Variants in UNC13B observed in about 807,000 individuals in gnomAD.
UNC13B encodes protein unc-13 homolog B.
Under a neutral mutation model 211.0 loss-of-function variants are expected in UNC13B, and 144 were observed. That is an observed-to-expected ratio of 0.68 (90% CI 0.60 to 0.78). UNC13B has a LOEUF of 0.78. Ranked by LOEUF, UNC13B falls within the 30% of genes least tolerant of loss-of-function variation. UNC13B has a pLI of 0.00. For synonymous variants in UNC13B, 709 were observed against 725.8 expected (o/e 0.98, Z 0.37); for missense variants, 1,777 against 2,002.0 (o/e 0.89, Z 2.14).
At chr9:35,224,790 T>C (rs1208288112) in intron 1 of UNC13B, among the ~76,000 whole-genome samples, 1 of 152,088 alleles carries the variant, frequency 6.6e-6, no homozygotes, top group Non-Finnish European at 1.5e-5. Flanking sequence ...AACAAAATAC[T>C]AGCAAACCAA....
intron 1 of UNC13B, among the ~76,000 whole-genome samples, chr9:35,184,987 GAAT>G (rs1376770220): frequency 2.0e-5 from 3 of 151,958 alleles, no homozygotes; most frequent in Non-Finnish European, 4.4e-5. Flanking sequence ...TTCCTCCCAA[GAAT>G]AATGAGATAT....
At chr9:35,399,903 A>G (rs920701799) in intron 36 of UNC13B, among the ~76,000 whole-genome samples, 174 bp downstream of exon 36, 1 of 152,218 alleles carries the variant, frequency 6.6e-6, no homozygotes, top group African/African-American at 2.4e-5. Context: ...CAAGATGCTT[A>G]TCATTGGTAA....
intron 1 of UNC13B, among the ~76,000 whole-genome samples, chr9:35,210,389 A>G (rs1381559677): frequency 1.3e-5 from 2 of 152,252 alleles, no homozygotes; most frequent in Non-Finnish European, 2.9e-5. Context: ...GATGGGTACT[A>G]CAGTTGACAG....
At chr9:35,195,999 T>C (rs1822914778) in intron 1 of UNC13B, among the ~76,000 whole-genome samples, 1 of 152,272 alleles carries the variant, frequency 6.6e-6, no homozygotes, top group South Asian at 2.1e-4. Context: ...TACATATATA[T>C]ACAGGGCAGT....
chr9:35,273,336 C>T (rs954554382), intron 7 of UNC13B, among the ~76,000 whole-genome samples: 1 of 152,172 alleles, frequency 6.6e-6, no homozygotes, highest in Non-Finnish European at 1.5e-5. Flanking sequence ...AAATTACTTA[C>T]CTTTCCTCAT....
rs1825921531 is a variant in UNC13B, at chr9:35,243,502, C to G, written c.468+138C>G. 8 of 822,784 alleles carry G rather than the reference C, an allele frequency of 9.7e-6. No homozygotes were observed. In the South Asian group the frequency reaches 1.4e-4, roughly 14 times the overall value. 51.0% of individuals were successfully genotyped at this position (822,784 alleles called of 1,614,324 possible). Reference sequence around the variant, plus strand: ...AAATTGCATTGAAGAAAAAAGGCAGCTAGAAGATTGCCTGAAATGTCACTA... The same window carrying G: ...AAATTGCATTGAAGAAAAAAGGCAGGTAGAAGATTGCCTGAAATGTCACTA... On this transcript the variant is annotated intron_variant, in intron 6 of 39. Coordinates refer to ENST00000635942, the MANE Select transcript of UNC13B (RefSeq NM_001371189.2).
At chr9:35,205,457 G>A (rs1397014908) in intron 1 of UNC13B, among the ~76,000 whole-genome samples, 2 of 152,162 alleles carry the variant, frequency 1.3e-5, no homozygotes, top group Admixed American at 6.5e-5. Flanking sequence ...ACAGAGTTGT[G>A]TAACTGTCAC....
intron 1 of UNC13B, among the ~76,000 whole-genome samples, chr9:35,170,561 T>C (rs946908985): frequency 6.6e-6 from 1 of 151,716 alleles, no homozygotes; most frequent in African/African-American, 2.4e-5. Context: ...CTCGACCTCC[T>C]GGGATCAAGT....
At chr9:35,290,259 G>A (rs527292407) in intron 7 of UNC13B, among the ~76,000 whole-genome samples, 3 of 152,152 alleles carry the variant, frequency 2.0e-5, no homozygotes, top group Non-Finnish European at 2.9e-5. Flanking sequence ...CAATAGGCTA[G>A]AGTGGTTTAT....
rs1246633554 is a variant in UNC13B, at chr9:35,183,324, C to T, written c.22+21019C>T. Among the ~76,000 whole-genome samples the T allele has an allele frequency of 1.2e-3, 148 of 126,812 alleles. 24 individuals are homozygous for T. Among genetic ancestry groups the T allele is most frequent in the African/African-American group, 4.2e-3 (138 of 32,508 alleles). The allele number at this position is 126,812 out of a possible 152,430, so 83.2% of individuals were successfully genotyped here. On this transcript the variant is annotated intron_variant, in intron 1 of 39. Transcript: ENST00000635942. ...CCCCTCACCTCCCAGGCGGGGCAGC[C>T]GGGCAGAGGCGCCCCTCACCTCCCA... is the stretch of plus-strand genomic sequence containing the variant.
At chr9:35,400,949 A>T (rs565226520) in intron 37 of UNC13B, among the ~76,000 whole-genome samples, 2 of 151,882 alleles carry the variant, frequency 1.3e-5, no homozygotes, top group South Asian at 4.2e-4. Context: ...CCCTGTGCAC[A>T]GCTGAGGCTC....
At chr9:35,367,135 C>T (rs563612927) in intron 12 of UNC13B, 142 bp downstream of exon 12, 4 of 779,994 alleles carry the variant, frequency 5.1e-6, no homozygotes, top group Middle Eastern at 3.6e-4. Flanking sequence ...TTGGTTGGTT[C>T]TCTGAGGCAG....
chr9:35,219,254 TG>T lies in UNC13B; in HGVS notation c.23-8756del, dbSNP rs1346936362. ...CAGTGGAGTGGCTGGTGGTACCAGC[TG>T]GGGGTCCCTTCTTTGGTCCTTTGAG... is the stretch of plus-strand genomic sequence containing the variant. On this transcript the variant is annotated intron_variant, in intron 1 of 39. Coordinates refer to ENST00000635942, the MANE Select transcript of UNC13B (RefSeq NM_001371189.2). Among the ~76,000 whole-genome samples, 7 of 152,254 alleles carry T rather than the reference TG, an allele frequency of 4.6e-5. No individual in the cohort carries two copies. The East Asian group carries it at 1.4e-3, about 29-fold the overall frequency.
intron 11 of UNC13B, among the ~76,000 whole-genome samples, chr9:35,325,368 A>G (rs1830948661): frequency 2.0e-5 from 3 of 152,042 alleles, no homozygotes; most frequent in African/African-American, 4.8e-5. Context: ...TTTATTTCCA[A>G]ATTTTATCTT....
intron 11 of UNC13B, chr9:35,364,634 T>C (rs780243388): frequency 6.7e-7 from 1 of 1,490,270 alleles, no homozygotes; most frequent in Admixed American, 2.0e-5. Context: ...CCAAGCACTG[T>C]ATGTGTGTGT....
chr9:35,197,632 C>A (rs895308044), intron 1 of UNC13B, among the ~76,000 whole-genome samples: 12 of 152,162 alleles, frequency 7.9e-5, no homozygotes, highest in African/African-American at 2.9e-4. Context: ...TATTGTAATC[C>A]CTAACGTTGG....
intron 12 of UNC13B, among the ~76,000 whole-genome samples, chr9:35,369,394 C>T (rs1005550178): frequency 6.6e-5 from 10 of 151,930 alleles, no homozygotes; most frequent in Non-Finnish European, 1.3e-4. Context: ...TCACCAAGGC[C>T]CAAAGTGAAG....
chr9:35,398,793 C>T, intron 32 of UNC13B, 89 bp from the exon 33 acceptor site: 1 of 1,573,296 alleles, frequency 6.4e-7, no homozygotes, highest in East Asian at 2.2e-5. Flanking sequence ...GCACCATGAG[C>T]ATATGGGAAT....
chr9:35,371,143 T>G (rs2132190253), intron 13 of UNC13B, among the ~76,000 whole-genome samples: 1 of 152,264 alleles, frequency 6.6e-6, no homozygotes, highest in South Asian at 2.1e-4. Flanking sequence ...CATTTTCTGT[T>G]TCTGTTTTCT....
Sources: gnomAD v4.1 joint callset for allele counts (sites outside exome capture counted in the v4.1 genomes callset) on GRCh38, gnomAD v4.1.1 for gene constraint, MANE v1.5 for transcripts, NCBI Gene and HGNC (gene_info 2026-07-23, HGNC 2026-07-21) for gene names.